C2CD5: variants seen among roughly 807,000 people sequenced by gnomAD.
C2CD5 encodes the protein C2 domain-containing protein 5.
In C2CD5, 109 loss-of-function variants were observed where a neutral mutation model predicts 130.3. That is an observed-to-expected ratio of 0.84 (90% confidence interval 0.72 to 0.98). The LOEUF is 0.98. C2CD5 is among the 50% of genes least tolerant of loss of function. The pLI is 0.00. For synonymous variants in C2CD5, 454 were observed against 429.2 expected (o/e 1.06, Z -0.71); for missense variants, 996 against 1,261.8 (o/e 0.79, Z 3.19).
rs544335962 is a variant in C2CD5 at position 22,453,779 on chromosome 12, G to C, written c.3024+117C>G. Reference sequence around the variant, plus strand: ...GAATAAACTCATTAAAATATCTTACGCATCTAGACTCAAAGGGCTCTAAAG... The same window carrying C: ...GAATAAACTCATTAAAATATCTTACCCATCTAGACTCAAAGGGCTCTAAAG... On this transcript the variant is annotated intron_variant, in intron 26 of 26. Coordinates refer to ENST00000446597, the MANE Select transcript of C2CD5 (RefSeq NM_001286176.2). 203 of 788,844 alleles carry C rather than the reference G, an allele frequency of 2.6e-4. No homozygotes were observed. The East Asian group carries it at 5.0e-3, about 19-fold the overall frequency. 48.9% of individuals were successfully genotyped at this position (788,844 alleles called of 1,614,324 possible). A position where few individuals can be genotyped will look rare whatever the true frequency, so the allele number is the denominator to read the frequency against.
At chr12:22,508,520 TTTA>T (rs1338225465) in intron 9 of C2CD5, among the ~76,000 whole-genome samples, 2 of 152,292 alleles carry the variant, frequency 1.3e-5, no homozygotes, top group East Asian at 3.9e-4. Context: ...TGAATTCATA[TTTA>T]TTATTAGGAA....
At chr12:22,460,668 G>A in intron 22 of C2CD5, 1 of 151,880 alleles carries the variant, frequency 6.6e-6, no homozygotes, top group Non-Finnish European at 1.5e-5. Flanking sequence ...ACCTCCACCT[G>A]CCAGCTTCAA....
chr12:22,543,712 G>GTGTC (rs1952640215), intron 2 of C2CD5, among the ~76,000 whole-genome samples: 1 of 151,150 alleles, frequency 6.6e-6, no homozygotes, highest in African/African-American at 2.5e-5. Flanking sequence ...CGGCATTTGT[G>GTGTC]TGTGTGTGTG....
intron 12 of C2CD5, among the ~76,000 whole-genome samples, 189 bp downstream of exon 12, chr12:22,489,934 T>C (rs1000638004): frequency 6.6e-6 from 1 of 152,106 alleles, no homozygotes; most frequent in African/African-American, 2.4e-5. Context: ...ATGTGTGCCA[T>C]ATAGTGCAGA....
At chr12:22,525,585 T>A in intron 5 of C2CD5, 25 bp downstream of exon 5, 1 of 1,004,368 alleles carries the variant, frequency 1.0e-6, no homozygotes, top group Non-Finnish European at 1.6e-6. Flanking sequence ...CATTTCCTGT[T>A]GAGTAATAGA....
At chr12:22,500,195 A>C (rs1006465767) in intron 10 of C2CD5, among the ~76,000 whole-genome samples, 4 of 152,018 alleles carry the variant, frequency 2.6e-5, no homozygotes, top group African/African-American at 9.7e-5. Context: ...AAAACAAAAA[A>C]TTCTAACGCT....
At chr12:22,512,696 A>G (rs1949316365) in intron 9 of C2CD5, 2 of 1,468,870 alleles carry the variant, frequency 1.4e-6, no homozygotes, top group East Asian at 5.1e-5. Context: ...AATGAAGTTT[A>G]TTTAAAAAAA....
intron 22 of C2CD5, among the ~76,000 whole-genome samples, chr12:22,465,138 T>C (rs1194740612): frequency 6.6e-6 from 1 of 152,148 alleles, no homozygotes; most frequent in Admixed American, 6.5e-5. Context: ...ATTTAACCTA[T>C]GCTTGCCACA....
intron 9 of C2CD5, chr12:22,512,720 G>T: frequency 7.1e-7 from 1 of 1,399,112 alleles, no homozygotes; most frequent in Non-Finnish European, 9.5e-7. Context: ...AAGAGAGAGA[G>T]AGAAATCATC....
At chr12:22,534,292 AC>A (rs1261674460) in intron 3 of C2CD5, among the ~76,000 whole-genome samples, 16 of 152,322 alleles carry the variant, frequency 1.1e-4, no homozygotes, top group South Asian at 4.1e-4. Context: ...TAAAACTCTT[AC>A]AAAAAAACAT....
chr12:22,543,914 G>T (rs2137403735), intron 2 of C2CD5, 147 bp downstream of exon 2: 1 of 630,240 alleles, frequency 1.6e-6, no homozygotes, highest in Non-Finnish European at 2.8e-6. Context: ...GGTCTCGGCG[G>T]TCATCCCTCG....
chr12:22,539,230 A>G (rs996159580), intron 2 of C2CD5, among the ~76,000 whole-genome samples: 1 of 152,070 alleles, frequency 6.6e-6, no homozygotes, highest in Non-Finnish European at 1.5e-5. Context: ...GTCCAATCCA[A>G]TAATTTTTCT....
chr12:22,490,045 T>C (rs1946140494), intron 12 of C2CD5, 78 bp downstream of exon 12: 8 of 1,012,560 alleles, frequency 7.9e-6, no homozygotes, highest in Admixed American at 1.9e-5. Flanking sequence ...CGGAGAAGAA[T>C]TATCCCAACT....
At chr12:22,462,218 T>G (rs974728274) in intron 22 of C2CD5, among the ~76,000 whole-genome samples, 2 of 151,990 alleles carry the variant, frequency 1.3e-5, no homozygotes, top group African/African-American at 4.8e-5. Context: ...CTTAAAAGTC[T>G]TTCAGGCTTT....
In C2CD5 at chr12:22,458,577, C is replaced by T. The variant is rs1320575322; in HGVS notation, c.2593G>A (p.Val865Ile). The stretch of plus-strand genomic sequence containing the variant: ...CTGTCTGCAAAGGAACTGTAATCAA[C>T]TGACGTTGCTGAAAACACAGACAGA... ...GIPAAQRATS[V>I]DYSSFADRCS... The change falls in exon 24 of 27, where the codon GTT becomes ATT. Residue 865 changes from valine to isoleucine, a missense_variant. Physicochemically the swap from Val to Ile is conservative, Grantham distance 29. This residue lies in a region of C2CD5 where 590 missense variants were observed against 631.4 expected (regional missense o/e 0.93). Coordinates refer to ENST00000446597, the MANE Select transcript of C2CD5 (RefSeq NM_001286176.2). 1.6e-6 allele frequency: 2 copies of T among 1,266,988 alleles called. No homozygotes were observed. Among genetic ancestry groups the T allele is most frequent in the Middle Eastern group, 2.0e-4 (1 of 4,964 alleles). The allele number at this position is 1,266,988 out of a possible 1,614,324, so 78.5% of individuals were successfully genotyped here. A position where few individuals can be genotyped will look rare whatever the true frequency, so the allele number is the denominator to read the frequency against.
chr12:22,478,548 T>A, intron 14 of C2CD5, 71 bp from the exon 15 acceptor site: 2 of 1,373,580 alleles, frequency 1.5e-6, no homozygotes, highest in South Asian at 2.5e-5. Context: ...TTTTCATATT[T>A]AAGAATGTGG....
intron 26 of C2CD5, 21 bp downstream of exon 26, chr12:22,453,875 G>A: frequency 6.2e-7 from 1 of 1,606,876 alleles, no homozygotes; most frequent in Non-Finnish European, 8.5e-7. Flanking sequence ...CGCCAATCAG[G>A]AATTTTTAAC....
At chr12:22,524,723 T>C (rs1486085742) in intron 5 of C2CD5, 96 bp from the exon 6 acceptor site, 34 of 732,918 alleles carry the variant, frequency 4.6e-5, no homozygotes, top group South Asian at 1.6e-4. Context: ...AGATACATAA[T>C]ACAAGAACAT....
intron 16 of C2CD5, among the ~76,000 whole-genome samples, chr12:22,473,961 C>CT (rs1297703688): frequency 6.6e-6 from 1 of 152,062 alleles, no homozygotes; most frequent in Non-Finnish European, 1.5e-5. Context: ...TTTCTACAAA[C>CT]TGACACTCTC....
Sources: allele counts gnomAD v4.1 joint callset (sites outside exome capture counted in the v4.1 genomes callset), GRCh38; gene constraint gnomAD v4.1.1; regional missense constraint gnomAD v4.1.1; transcripts MANE v1.5; gene names NCBI Gene and HGNC (gene_info 2026-07-23, HGNC 2026-07-21).